The following EIF4G3 variants were observed in gnomAD, a reference collection of about 807,000 sequenced individuals.
EIF4G3 encodes eukaryotic translation initiation factor 4 gamma 3.
In EIF4G3, 34 loss-of-function variants were observed where a neutral mutation model predicts 186.4. That is an observed-to-expected ratio of 0.18 (90% CI 0.14 to 0.24). EIF4G3 has a LOEUF of 0.24. Ranked by LOEUF, EIF4G3 falls within the 10% of genes least tolerant of loss-of-function variation. The pLI is 1.00. For synonymous variants in EIF4G3, 673 were observed against 679.5 expected, an observed-to-expected ratio of 0.99 and a Z score of 0.15; for missense variants, 1,536 against 1,948.5, an observed-to-expected ratio of 0.79 and a Z score of 3.99.
intron 2 of EIF4G3, among the ~76,000 whole-genome samples, chr1:21,125,013 CAA>C (rs2097001813): frequency 6.6e-6 from 1 of 152,126 alleles, no homozygotes; most frequent in Admixed American, 6.6e-5. Context: ...AATTCCTCAT[CAA>C]AAGTGACTCA....
At chr1:20,994,932 T>A (rs962813912) in intron 7 of EIF4G3, among the ~76,000 whole-genome samples, 1 of 152,028 alleles carries the variant, frequency 6.6e-6, no homozygotes, top group African/African-American at 2.4e-5. Context: ...AAACACCGCA[T>A]CCAGCTTATA....
chr1:20,865,514 T>C (rs1437491570), intron 20 of EIF4G3, among the ~76,000 whole-genome samples: 1 of 152,090 alleles, frequency 6.6e-6, no homozygotes, highest in Non-Finnish European at 1.5e-5. Flanking sequence ...ATGGAAACCC[T>C]TGTCATATCA....
intron 2 of EIF4G3, among the ~76,000 whole-genome samples, chr1:21,149,319 G>A (rs75679594): frequency 1.3e-5 from 2 of 152,032 alleles, no homozygotes; most frequent in African/African-American, 4.8e-5. Context: ...CAATGAGTTA[G>A]AGTTATGAGT....
chr1:21,081,939 C>A (rs182803962), intron 3 of EIF4G3, among the ~76,000 whole-genome samples: 5 of 151,926 alleles, frequency 3.3e-5, no homozygotes, highest in East Asian at 3.9e-4. Flanking sequence ...CAACCACGCA[C>A]AGCCCCAACT....
chr1:20,841,231 T>A, intron 29 of EIF4G3: 2 of 422,850 alleles, frequency 4.7e-6, no homozygotes, highest in Non-Finnish European at 4.0e-6. Flanking sequence ...TTAAAAGTCA[T>A]ACAAAAAAAG....
chr1:20,842,183 T>C (rs2068853299), intron 29 of EIF4G3, among the ~76,000 whole-genome samples: 1 of 152,232 alleles, frequency 6.6e-6, no homozygotes, highest in South Asian at 2.1e-4. Flanking sequence ...ATAGTACATA[T>C]TCAAATTTCC....
intron 3 of EIF4G3, among the ~76,000 whole-genome samples, chr1:21,077,942 G>A (rs550628401): frequency 2.7e-5 from 4 of 150,832 alleles, no homozygotes; most frequent in African/African-American, 9.7e-5. Flanking sequence ...GAGAATGCTC[G>A]CACTGCTGCT....
At chr1:20,892,502 T>C (rs1412758706) in intron 18 of EIF4G3, 2 of 798,868 alleles carry the variant, frequency 2.5e-6, no homozygotes, top group African/African-American at 1.7e-5. Context: ...TGCACTCTTT[T>C]GTACATGTCA....
intron 12 of EIF4G3, among the ~76,000 whole-genome samples, chr1:20,954,568 A>G (rs2096348067): frequency 6.6e-6 from 1 of 151,394 alleles, no homozygotes; most frequent in Non-Finnish European, 1.5e-5. Flanking sequence ...AAGAAGCAAA[A>G]CAATAATATA....
At chr1:21,174,480 A>G (rs974821922) in intron 2 of EIF4G3, among the ~76,000 whole-genome samples, 9 of 152,232 alleles carry the variant, frequency 5.9e-5, no homozygotes, top group Non-Finnish European at 1.0e-4. Context: ...TCAATTGCCA[A>G]AACAGCTCAA....
intron 3 of EIF4G3, among the ~76,000 whole-genome samples, chr1:21,053,495 A>G (rs2094388555): frequency 7.3e-6 from 1 of 136,324 alleles, no homozygotes; most frequent in African/African-American, 2.8e-5. Flanking sequence ...CCCTACTGGG[A>G]AGTGAGGAGT....
intron 14 of EIF4G3, among the ~76,000 whole-genome samples, chr1:20,926,472 G>T (rs150548769): frequency 0.013 from 1,937 of 152,250 alleles, 21 homozygotes; most frequent in East Asian, 0.022. Context: ...TTGAGGCCAG[G>T]AGTTAAAGAC....
chr1:20,936,831 T>C lies in EIF4G3; in HGVS notation c.1663+4660A>G, dbSNP rs146319272. On this transcript the variant is annotated intron_variant, in intron 14 of 36. Transcript: ENST00000602326. ...ACTAAAAGAGAAAGCAGCAACTTGA[T>C]TGGCTACATGGATCAGTATTTTGTT... 7.4e-3 allele frequency among the ~76,000 whole-genome samples: 1,126 copies of C among 152,340 alleles called. 9 individuals are homozygous for C. Among genetic ancestry groups the C allele is most frequent in the South Asian group, 0.029 (140 of 4,832 alleles).
intron 3 of EIF4G3, among the ~76,000 whole-genome samples, chr1:21,058,137 C>T (rs1007950277): frequency 1.3e-4 from 20 of 152,082 alleles, no homozygotes; most frequent in African/African-American, 4.6e-4. Context: ...AACAAAGTTT[C>T]CTTAACATGA....
chr1:21,021,220 G>A (rs2090594016), intron 4 of EIF4G3, among the ~76,000 whole-genome samples: 1 of 152,196 alleles, frequency 6.6e-6, no homozygotes, highest in Non-Finnish European at 1.5e-5. Flanking sequence ...CTGGCCTCAA[G>A]TGATCCGCCC....
Position 20,971,354 on chromosome 1 carries a change from T to C in EIF4G3, c.591+1648A>G, listed in dbSNP as rs1229945064. ...TTTAGGTATGGAAAATTATTTCTAATAAAGTTTTAAGTATAGCTTTAATTC... is the reference window on the plus strand; with the variant it reads ...TTTAGGTATGGAAAATTATTTCTAACAAAGTTTTAAGTATAGCTTTAATTC... On this transcript the variant is annotated intron_variant, in intron 11 of 36. Transcript: ENST00000602326. 2.8e-4 allele frequency among the ~76,000 whole-genome samples: 43 copies of C among 152,260 alleles called. 1 individual carries two copies. Among genetic ancestry groups the C allele is most frequent in the Admixed American group, 2.5e-3 (38 of 15,288 alleles).
rs1571809788 is a variant in EIF4G3, at chr1:20,860,745, G to A, written c.3112-228C>T. Among the ~76,000 whole-genome samples, 3 of 152,180 alleles carry A rather than the reference G, an allele frequency of 2.0e-5. No homozygotes were observed. In the South Asian group the frequency reaches 6.2e-4, roughly 32 times the overall value. On this transcript the variant is annotated intron_variant, in intron 23 of 36. Coordinates refer to ENST00000602326, the MANE Select transcript of EIF4G3 (RefSeq NM_001391906.1). ...CAATTGTATACTACATATTCCAATA[G>A]CCAATGGATACAAAGAACAGGGTGA...
At chr1:21,083,772 C>T (rs983713834) in intron 3 of EIF4G3, among the ~76,000 whole-genome samples, 1 of 152,176 alleles carries the variant, frequency 6.6e-6, no homozygotes, top group Admixed American at 6.5e-5. Flanking sequence ...TGCTGTTGCT[C>T]ACAGGATTTG....
chr1:20,921,353 G>C (rs1277562594), intron 14 of EIF4G3, among the ~76,000 whole-genome samples: 3 of 152,174 alleles, frequency 2.0e-5, no homozygotes, highest in African/African-American at 7.2e-5. Flanking sequence ...GCAAGGTTAG[G>C]CAAAGAGAAA....
Sources: allele counts gnomAD v4.1 joint callset (sites outside exome capture counted in the v4.1 genomes callset), GRCh38; gene constraint gnomAD v4.1.1; transcripts MANE v1.5; gene names NCBI Gene and HGNC (gene_info 2026-07-23, HGNC 2026-07-21).